KCNIP4: variants seen among roughly 807,000 people sequenced by gnomAD.
KCNIP4 encodes Kv channel-interacting protein 4.
In KCNIP4, 12 loss-of-function variants were observed where a neutral mutation model predicts 34.0. The observed-to-expected ratio is 0.35, with a 90% CI of 0.23 to 0.57. KCNIP4 has a LOEUF of 0.57. Among genes scored for constraint, KCNIP4 ranks in the 20% least tolerant of loss-of-function variants. The pLI is 0.83. For synonymous variants in KCNIP4, 124 were observed against 102.2 expected (o/e 1.21, Z -1.29); for missense variants, 238 against 311.7 (o/e 0.76, Z 1.78).
intron 3 of KCNIP4, among the ~76,000 whole-genome samples, chr4:20,846,479 AC>A (rs1188185939): frequency 6.6e-6 from 1 of 152,294 alleles, no homozygotes; most frequent in Admixed American, 6.5e-5. Context: ...TATTTGTGTG[AC>A]CTTTTGACCA....
chr4:20,821,292 CT>C (rs1273876594), intron 3 of KCNIP4, among the ~76,000 whole-genome samples: 4 of 152,170 alleles, frequency 2.6e-5, no homozygotes, highest in Non-Finnish European at 5.9e-5. Context: ...CCCCTTTCTT[CT>C]TTCCTATTTC....
chr4:21,226,336 GGAAGGAAGA>G (rs1269443274), intron 1 of KCNIP4, among the ~76,000 whole-genome samples: 2 of 95,520 alleles, frequency 2.1e-5, no homozygotes, highest in African/African-American at 6.5e-5. Flanking sequence ...GGGAAGGAAG[GGAAGGAAGA>G]GAAGGAAGAG....
intron 1 of KCNIP4, among the ~76,000 whole-genome samples, chr4:21,643,487 C>G (rs1245416948): frequency 6.6e-6 from 1 of 152,052 alleles, no homozygotes; most frequent in Non-Finnish European, 1.5e-5. Flanking sequence ...AAAATGGACT[C>G]ATGATGGTTA....
At chr4:21,546,622 A>C (rs185692803) in intron 1 of KCNIP4, among the ~76,000 whole-genome samples, 1 of 152,152 alleles carries the variant, frequency 6.6e-6, no homozygotes, top group African/African-American at 2.4e-5. Context: ...ATATTATTTC[A>C]TAATTATACT....
chr4:21,199,965 C>G (rs1756348222), intron 1 of KCNIP4, among the ~76,000 whole-genome samples: 1 of 152,008 alleles, frequency 6.6e-6, no homozygotes, highest in Admixed American at 6.6e-5. Context: ...ACTGCATGCT[C>G]TCACTCATAG....
At chr4:21,692,001 T>C (rs1711710593) in intron 1 of KCNIP4, among the ~76,000 whole-genome samples, 1 of 151,892 alleles carries the variant, frequency 6.6e-6, no homozygotes, top group Admixed American at 6.6e-5. Context: ...CCAGGCCAAA[T>C]GCAACTCTTT....
At position 21,629,849 on chromosome 4, in the gene KCNIP4, C is replaced by CTTTTTTTTTTTTTTTTT. The variant is rs5856652; in HGVS notation, c.61+318705_61+318721dup. Among the ~76,000 whole-genome samples, 154 of 87,774 alleles carry CTTTTTTTTTTTTTTTTT rather than the reference C, an allele frequency of 1.8e-3. 5 individuals are homozygous for CTTTTTTTTTTTTTTTTT. The highest frequency in any genetic ancestry group is 2.3e-3 in the Non-Finnish European group (116 of 50,156). The allele number at this position is 87,774 out of a possible 152,430, so 57.6% of individuals were successfully genotyped here. Reference sequence around the variant, plus strand: ...ACCATATTTCCTTTTCTTTTTCTTTCTTTTTTTTTTTTTTTTTTTGAGACA... The same window carrying CTTTTTTTTTTTTTTTTT: ...ACCATATTTCCTTTTCTTTTTCTTTCTTTTTTTTTTTTTTTTTTTTTTTTTTTTTTTTTTTTGAGACA... On this transcript the variant is annotated intron_variant, in intron 1 of 8. Coordinates refer to ENST00000382152, the MANE Select transcript of KCNIP4 (RefSeq NM_025221.6).
intron 1 of KCNIP4, among the ~76,000 whole-genome samples, chr4:21,045,733 AAC>A (rs1184278677): frequency 6.6e-6 from 1 of 152,246 alleles, no homozygotes; most frequent in Non-Finnish European, 1.5e-5. Context: ...TGGAAAAATA[AAC>A]AGAGAAACCT....
rs186141480 is a variant in KCNIP4, at chr4:21,502,193, T to C, written c.61+446378A>G. Among the ~76,000 whole-genome samples, 465 of 152,140 alleles carry C rather than the reference T, an allele frequency of 3.1e-3. 3 individuals carry two copies. Among genetic ancestry groups the C allele is most frequent in the African/African-American group, 0.011 (442 of 41,506 alleles). ...ATCTTAGTAGCCCAAATCCCTTTAC[T>C]ATCAAAAAGAAGCTGAAAACGGCAC... On this transcript the variant is annotated intron_variant, in intron 1 of 8. Coordinates refer to ENST00000382152, the MANE Select transcript of KCNIP4 (RefSeq NM_025221.6).
intron 1 of KCNIP4, among the ~76,000 whole-genome samples, chr4:21,802,979 C>T (rs552862898): frequency 6.6e-6 from 1 of 152,152 alleles, no homozygotes; most frequent in African/African-American, 2.4e-5. Flanking sequence ...TCAAAATTTC[C>T]TTATATCAAT....
intron 1 of KCNIP4, among the ~76,000 whole-genome samples, chr4:21,932,388 A>G (rs191523037): frequency 6.6e-6 from 1 of 152,242 alleles, no homozygotes; most frequent in East Asian, 1.9e-4. Flanking sequence ...GGAAGGATGA[A>G]TAGTTAATAA....
chr4:21,138,666 G>T (rs1227378669), intron 1 of KCNIP4, among the ~76,000 whole-genome samples: 1 of 152,082 alleles, frequency 6.6e-6, no homozygotes, highest in Non-Finnish European at 1.5e-5. Context: ...CTTTGCGTAT[G>T]TGATTACCTT....
chr4:21,648,017 A>T (rs1380354293), intron 1 of KCNIP4, among the ~76,000 whole-genome samples: 1 of 151,046 alleles, frequency 6.6e-6, no homozygotes. Context: ...GGGACTACAG[A>T]CGCTCGCCAC....
chr4:21,169,331 G>T (rs975119867), intron 1 of KCNIP4, among the ~76,000 whole-genome samples: 1 of 151,686 alleles, frequency 6.6e-6, no homozygotes, highest in Non-Finnish European at 1.5e-5. Context: ...TTTTTATTTT[G>T]TGCTGAGACG....
rs1332127754 is a variant in KCNIP4 at position 21,932,911 on chromosome 4, A to G, written c.61+15660T>C. Among the ~76,000 whole-genome samples the G allele has an allele frequency of 3.3e-5, 5 of 152,050 alleles. No individual in the cohort carries two copies. The East Asian group carries it at 9.6e-4, about 29-fold the overall frequency. ...TCTATCAAAATGAAGAACATGCCCT[A>G]GATATTTTACAGATAGGGGTCCATG... On this transcript the variant is annotated intron_variant, in intron 1 of 8. Coordinates refer to ENST00000382152, the MANE Select transcript of KCNIP4 (RefSeq NM_025221.6).
chr4:21,505,914 C>A (rs1420570977), intron 1 of KCNIP4, among the ~76,000 whole-genome samples: 1 of 152,060 alleles, frequency 6.6e-6, no homozygotes, highest in Non-Finnish European at 1.5e-5. Flanking sequence ...GCCAGCCTGG[C>A]CAAAATGGAT....
At chr4:21,190,366 T>TA (rs1755537625) in intron 1 of KCNIP4, among the ~76,000 whole-genome samples, 1 of 152,166 alleles carries the variant, frequency 6.6e-6, no homozygotes, top group Non-Finnish European at 1.5e-5. Flanking sequence ...ATTGGTTCGT[T>TA]GGTATTTGGT....
intron 1 of KCNIP4, among the ~76,000 whole-genome samples, chr4:21,894,468 A>C (rs1449968781): frequency 1.3e-5 from 2 of 152,192 alleles, no homozygotes; most frequent in Non-Finnish European, 2.9e-5. Context: ...TCTAAAAACT[A>C]AGGCACTACA....
rs116008890 is a variant in KCNIP4, at chr4:20,994,548, A to T, written c.62-111839T>A. ...ACACTAAACAATTTAGAGTGTATAA[A>T]CTAATGATCAGACCGAGGGACACTC... On this transcript the variant is annotated intron_variant, in intron 1 of 8. Coordinates refer to ENST00000382152, the MANE Select transcript of KCNIP4 (RefSeq NM_025221.6). Among the ~76,000 whole-genome samples, 470 of 152,346 alleles carry T rather than the reference A, an allele frequency of 3.1e-3. 3 individuals are homozygous for T. Among genetic ancestry groups the T allele is most frequent in the African/African-American group, 0.011 (447 of 41,584 alleles).
Sources: allele counts gnomAD v4.1 joint callset (sites outside exome capture counted in the v4.1 genomes callset), GRCh38; gene constraint gnomAD v4.1.1; transcripts MANE v1.5; gene names NCBI Gene and HGNC (gene_info 2026-07-23, HGNC 2026-07-21).